The following ZNF100 variants were observed in gnomAD, a reference collection of about 807,000 sequenced individuals.
ZNF100 encodes the protein zinc finger protein 100.
ZNF100 carries 12 observed loss-of-function variants against 15.8 expected under a neutral mutation model. The ratio of observed to expected loss-of-function variants is 0.76; its 90% CI spans 0.49 to 1.23. The LOEUF (loss-of-function observed/expected upper bound fraction) is 1.23, where lower values mean the gene tolerates loss of function less well. Among genes scored for constraint, ZNF100 ranks in the 50% most tolerant of loss-of-function variants. The pLI is 0.00. For synonymous variants in ZNF100, 226 were observed against 214.8 expected, an observed-to-expected ratio of 1.05 and a Z score of -0.45; for missense variants, 670 against 635.6, an observed-to-expected ratio of 1.05 and a Z score of -0.58.
chr19:21,726,638 TG>T lies in ZNF100; in HGVS notation c.*44del. ...GTTCCCTCCAGTATGAATTTTTTTA[TG>T]TTTAGTAAGAGTTGAGGACTGGTAA... is the stretch of plus-strand genomic sequence containing the variant. On this transcript the variant is annotated 3_prime_UTR_variant, in exon 5 of 5. Coordinates refer to ENST00000358296, the MANE Select transcript of ZNF100 (RefSeq NM_173531.4). 1 of 1,506,682 alleles carries T rather than the reference TG, an allele frequency of 6.6e-7. No homozygotes were observed. Among genetic ancestry groups the T allele is most frequent in the Non-Finnish European group, 8.9e-7 (1 of 1,123,382 alleles). 93.3% of individuals were successfully genotyped at this position (1,506,682 alleles called of 1,614,324 possible). A position where few individuals can be genotyped will look rare whatever the true frequency, so the allele number is the denominator to read the frequency against.
intron 2 of ZNF100, among the ~76,000 whole-genome samples, chr19:21,755,928 T>C (rs568361504): frequency 2.0e-5 from 3 of 152,096 alleles, no homozygotes; most frequent in East Asian, 3.9e-4. Flanking sequence ...ACAGGGCCTG[T>C]TGAGGGGTGA....
chr19:21,755,390 C>T (rs2036377576), intron 2 of ZNF100, among the ~76,000 whole-genome samples: 1 of 150,878 alleles, frequency 6.6e-6, no homozygotes, highest in African/African-American at 2.4e-5. Context: ...CAGTGAGATA[C>T]ATCTCACACC....
Position 21,765,715 on chromosome 19 carries a change from C to T in ZNF100, c.75G>A (p.Leu25=), listed in dbSNP as rs548577744. ...TTACCTTTTCAAAATAAGACTGCAC[C>T]AGAAGACTCCTCTCAGCCCCAGGGC... is the stretch of plus-strand genomic sequence containing the variant. ...SGCPGAERSL[L]VQSYFEKGPL... is the part of the protein sequence containing the mutation. Residue 25 remains leucine (L), a synonymous_variant, in exon 2 of 5, where the codon CTG becomes CTA. Transcript: ENST00000358296. The T allele has an allele frequency of 3.5e-4, 570 of 1,613,726 alleles. 4 individuals are homozygous for T. Among genetic ancestry groups the T allele is most frequent in the South Asian group, 1.9e-3 (177 of 91,004 alleles).
chr19:21,751,950 G>T, intron 2 of ZNF100: 2 of 456,220 alleles, frequency 4.4e-6, no homozygotes, highest in Non-Finnish European at 8.0e-6. Flanking sequence ...AATGTCACGG[G>T]ACCTTCATCT....
At chr19:21,746,565 A>G (rs1442940103) in intron 2 of ZNF100, among the ~76,000 whole-genome samples, 1 of 152,182 alleles carries the variant, frequency 6.6e-6, no homozygotes, top group Non-Finnish European at 1.5e-5. Context: ...AACATTTTTA[A>G]TAGTGCAGAT....
At chr19:21,730,117 AATT>A (rs1170852099) in intron 4 of ZNF100, among the ~76,000 whole-genome samples, 1 of 151,782 alleles carries the variant, frequency 6.6e-6, no homozygotes, top group Non-Finnish European at 1.5e-5. Flanking sequence ...TGTTTCAGAA[AATT>A]ATTTAAATAT....
chr19:21,734,707 G>A (rs528191356), intron 4 of ZNF100, among the ~76,000 whole-genome samples: 1 of 151,974 alleles, frequency 6.6e-6, no homozygotes, highest in African/African-American at 2.4e-5. Flanking sequence ...AAATCCAGAG[G>A]ACCCCAGTAA....
intron 4 of ZNF100, among the ~76,000 whole-genome samples, chr19:21,737,133 GAGAT>G (rs1157277161): frequency 6.6e-6 from 1 of 151,724 alleles, no homozygotes; most frequent in Non-Finnish European, 1.5e-5. Flanking sequence ...TAAAATAAAA[GAGAT>G]AGACCACTAG....
chr19:21,729,692 A>T (rs1414470863), intron 4 of ZNF100, among the ~76,000 whole-genome samples: 1 of 152,156 alleles, frequency 6.6e-6, no homozygotes, highest in Non-Finnish European at 1.5e-5. Flanking sequence ...ACATACACCA[A>T]AATGGAATTC....
chr19:21,732,992 C>T (rs2035945063), intron 4 of ZNF100, among the ~76,000 whole-genome samples: 1 of 152,064 alleles, frequency 6.6e-6, no homozygotes. Context: ...TTTAGGAAGC[C>T]AAGGCAGATA....
intron 2 of ZNF100, among the ~76,000 whole-genome samples, chr19:21,761,149 G>C (rs147169465): frequency 6.6e-6 from 1 of 152,102 alleles, no homozygotes; most frequent in African/African-American, 2.4e-5. Flanking sequence ...ACTAATAGAA[G>C]ACTGAAGTAA....
chr19:21,751,141 C>A, intron 2 of ZNF100: 1 of 1,364,366 alleles, frequency 7.3e-7, no homozygotes, highest in Non-Finnish European at 1.0e-6. Context: ...AACCGATGTG[C>A]GAGACAAGAG....
chr19:21,741,673 C>G (rs1342436889), intron 4 of ZNF100, among the ~76,000 whole-genome samples: 1 of 151,752 alleles, frequency 6.6e-6, no homozygotes, highest in Non-Finnish European at 1.5e-5. Flanking sequence ...CCACGCCTGG[C>G]ATGTAAAACT....
At chr19:21,742,016 G>C (rs1158159896) in intron 4 of ZNF100, among the ~76,000 whole-genome samples, 3 of 152,116 alleles carry the variant, frequency 2.0e-5, no homozygotes, top group African/African-American at 7.2e-5. Flanking sequence ...AAGATGGTAG[G>C]CTGGGCGCGG....
intron 2 of ZNF100, among the ~76,000 whole-genome samples, chr19:21,753,757 G>A (rs1226418993): frequency 2.0e-5 from 3 of 152,048 alleles, no homozygotes; most frequent in Non-Finnish European, 4.4e-5. Flanking sequence ...ATTGATCACC[G>A]AAGTTTCTTT....
chr19:21,756,352 TAC>T (rs1223438665), intron 2 of ZNF100, among the ~76,000 whole-genome samples: 2 of 152,220 alleles, frequency 1.3e-5, no homozygotes, highest in East Asian at 3.9e-4. Context: ...ATAGAATTGG[TAC>T]AGTCTCAGCA....
chr19:21,760,355 T>G (rs1010471530), intron 2 of ZNF100, among the ~76,000 whole-genome samples: 1 of 151,748 alleles, frequency 6.6e-6, no homozygotes, highest in African/African-American at 2.4e-5. Flanking sequence ...TAGCCCTGCA[T>G]GTGATGGCAG....
chr19:21,751,220 T>G, intron 2 of ZNF100: 1 of 1,293,956 alleles, frequency 7.7e-7, no homozygotes, highest in Non-Finnish European at 1.1e-6. Context: ...TGCTCAACAA[T>G]ATTTCTAGGT....
rs867546853 is a variant in ZNF100 at position 21,725,465 on chromosome 19, T to C, written c.*1218A>G. 1.3e-5 allele frequency: 2 copies of C among 152,278 alleles called. No individual in the cohort carries two copies. The highest frequency in any genetic ancestry group is 4.1e-4 in the South Asian group (2 of 4,824). The allele number at this position is 152,278 out of a possible 1,614,324, so 9.4% of individuals were successfully genotyped here. A position where few individuals can be genotyped will look rare whatever the true frequency, so the allele number is the denominator to read the frequency against. On this transcript the variant is annotated 3_prime_UTR_variant, in exon 5 of 5. Coordinates refer to ENST00000358296, the MANE Select transcript of ZNF100 (RefSeq NM_173531.4). Reference sequence around the variant, plus strand: ...ATTGCTTAATATTATAAGTTAACCATAAAAGTCTCTTCACTTAGATTTTCA... The same window carrying C: ...ATTGCTTAATATTATAAGTTAACCACAAAAGTCTCTTCACTTAGATTTTCA...
Sources: gnomAD v4.1 joint callset for allele counts (sites outside exome capture counted in the v4.1 genomes callset) on GRCh38, gnomAD v4.1.1 for gene constraint, MANE v1.5 for transcripts, NCBI Gene and HGNC (gene_info 2026-07-23, HGNC 2026-07-21) for gene names.